The following CLPB variants were observed in gnomAD, a reference collection of about 807,000 sequenced individuals.
CLPB encodes the protein ClpB family mitochondrial disaggregase, also known as mitochondrial disaggregase.
In CLPB, 40 loss-of-function variants were observed where a neutral mutation model predicts 78.4. The observed-to-expected ratio is 0.51, with a 90% CI of 0.40 to 0.66. The LOEUF (loss-of-function observed/expected upper bound fraction) is 0.66, where lower values mean the gene tolerates loss of function less well. Among genes scored for constraint, CLPB ranks in the 30% least tolerant of loss-of-function variants. The pLI is 0.00. For synonymous variants in CLPB, 333 were observed against 348.0 expected (o/e 0.96, Z 0.48); for missense variants, 780 against 886.9 (o/e 0.88, Z 1.53).
chr11:72,386,865 A>T (rs1273970610), intron 3 of CLPB, among the ~76,000 whole-genome samples: 1 of 152,200 alleles, frequency 6.6e-6, no homozygotes, highest in Non-Finnish European at 1.5e-5. Context: ...TCTCATTTGG[A>T]GACTATTTAC....
rs1949381518 is a variant in CLPB at position 72,285,940 on chromosome 11, G to T, written c.*7427C>A. The T allele has an allele frequency of 1.3e-5, 2 of 149,692 alleles. No homozygotes were observed. Among genetic ancestry groups the T allele is most frequent in the South Asian group, 2.1e-4 (1 of 4,792 alleles). 9.3% of individuals were successfully genotyped at this position (149,692 alleles called of 1,614,324 possible). ...TTCAGACACTTATCCATGCTAATAG[G>T]CTTCTACTATAGCCTTTTTTTTTTT... On this transcript the variant is annotated 3_prime_UTR_variant, in exon 16 of 16. Transcript: ENST00000538039.
At chr11:72,369,941 A>G (rs376094874) in intron 4 of CLPB, among the ~76,000 whole-genome samples, 1 of 152,088 alleles carries the variant, frequency 6.6e-6, no homozygotes, top group African/African-American at 2.4e-5. Flanking sequence ...TTTTTCCCCC[A>G]TGGTCCATTG....
chr11:72,333,079 C>T (rs1274228245), intron 5 of CLPB: 1 of 152,218 alleles, frequency 6.6e-6, no homozygotes, highest in Non-Finnish European at 1.5e-5. Flanking sequence ...AAGCTACAGG[C>T]TCAGAAAAGT....
At chr11:72,336,869 C>T (rs754866393) in intron 5 of CLPB, 20 of 385,268 alleles carry the variant, frequency 5.2e-5, no homozygotes, top group Admixed American at 9.0e-5. Context: ...CCTGTGTCCA[C>T]GCTCAGCTCC....
chr11:72,373,227 G>A lies in CLPB; in HGVS notation c.646+7054C>T, dbSNP rs138742799. ...CTGATTTATAGCCTGCTCTGGCTGC[G>A]TCTCTGCCGTGTTTTATTGTTTTAA... On this transcript the variant is annotated intron_variant, in intron 4 of 15. Coordinates refer to ENST00000538039, the MANE Select transcript of CLPB (RefSeq NM_001258392.3). 2.2e-3 allele frequency among the ~76,000 whole-genome samples: 339 copies of A among 152,306 alleles called. 1 individual carries two copies. The highest frequency in any genetic ancestry group is 7.7e-3 in the African/African-American group (322 of 41,562).
chr11:72,408,695 A>C (rs905317279), intron 2 of CLPB, among the ~76,000 whole-genome samples: 4 of 151,666 alleles, frequency 2.6e-5, no homozygotes, highest in Middle Eastern at 3.4e-3. Context: ...AAAGAAAAGA[A>C]AAGACCACAA....
intron 11 of CLPB, among the ~76,000 whole-genome samples, chr11:72,296,155 G>A (rs1949548101): frequency 2.0e-5 from 3 of 152,192 alleles, no homozygotes; most frequent in Admixed American, 6.5e-5. Flanking sequence ...TCAGAGGAGG[G>A]TACTTTACAT....
intron 3 of CLPB, among the ~76,000 whole-genome samples, chr11:72,381,167 C>G (rs1012766029): frequency 6.6e-6 from 1 of 152,160 alleles, no homozygotes; most frequent in South Asian, 2.1e-4. Context: ...AGACAGTCTC[C>G]CCTTACCCAT....
chr11:72,434,258 GC>G lies in CLPB; in HGVS notation c.216del (p.Arg73AlafsTer145). The stretch of plus-strand genomic sequence containing the variant: ...TTGGTATCGAAGCGTCCTCCCTGGC[GC>G]CCCCCGGTGGCTGCCCCACGTCCGG... Reference protein sequence around the residue: ...LFSGRGAATGGRQGGRFDTKC... With the variant: ...LFSGRGAATGXRQGGRFDTKC... On this transcript the variant is annotated frameshift_variant, in exon 1 of 16. Coordinates refer to ENST00000538039, the MANE Select transcript of CLPB (RefSeq NM_001258392.3). LOFTEE classifies it high-confidence loss of function. 1.2e-6 allele frequency: 2 copies of G among 1,613,174 alleles called. No homozygotes were observed.
At chr11:72,331,395 C>A (rs1280007651) in intron 5 of CLPB, among the ~76,000 whole-genome samples, 1 of 149,238 alleles carries the variant, frequency 6.7e-6, no homozygotes, top group African/African-American at 2.5e-5. Flanking sequence ...CAGAGCGAGA[C>A]TCTGTCTCAA....
chr11:72,368,863 C>T (rs1950991242), intron 4 of CLPB, among the ~76,000 whole-genome samples: 1 of 152,222 alleles, frequency 6.6e-6, no homozygotes, highest in African/African-American at 2.4e-5. Context: ...TCACAGACAT[C>T]ATGCTTTCTG....
At chr11:72,366,718 A>G (rs924118026) in intron 4 of CLPB, among the ~76,000 whole-genome samples, 2 of 152,192 alleles carry the variant, frequency 1.3e-5, no homozygotes, top group African/African-American at 2.4e-5. Flanking sequence ...ATCTCGCACC[A>G]GTCAGAATGG....
At chr11:72,419,454 C>T (rs570049223) in intron 2 of CLPB, among the ~76,000 whole-genome samples, 3 of 152,334 alleles carry the variant, frequency 2.0e-5, no homozygotes, top group Admixed American at 2.0e-4. Context: ...CCTCAGCCAT[C>T]AGAATGGCTA....
chr11:72,373,239 T>C lies in CLPB; in HGVS notation c.646+7042A>G, dbSNP rs748666802. 2.6e-4 allele frequency among the ~76,000 whole-genome samples: 39 copies of C among 152,210 alleles called. 1 individual carries two copies. Among genetic ancestry groups the C allele is most frequent in the Non-Finnish European group, 8.8e-5 (6 of 68,038 alleles). On this transcript the variant is annotated intron_variant, in intron 4 of 15. Transcript: ENST00000538039. ...CTGCTCTGGCTGCGTCTCTGCCGTG[T>C]TTTATTGTTTTAATTGTACATATGA...
At chr11:72,415,383 C>T (rs1489726446) in intron 2 of CLPB, among the ~76,000 whole-genome samples, 8 of 152,082 alleles carry the variant, frequency 5.3e-5, no homozygotes, top group Admixed American at 5.2e-4. Flanking sequence ...GACCAATCAG[C>T]TGACAGAAAA....
chr11:72,286,675 T>C lies in CLPB; in HGVS notation c.*6692A>G, dbSNP rs1393070156. On this transcript the variant is annotated 3_prime_UTR_variant, in exon 16 of 16. Transcript: ENST00000538039. Reference sequence around the variant, plus strand: ...ACTTTAATAAAGAGGGGTTTCACCATGTTGTCCAGGCTGGTCTCGAACTCC... The same window carrying C: ...ACTTTAATAAAGAGGGGTTTCACCACGTTGTCCAGGCTGGTCTCGAACTCC... 3 of 152,210 alleles carry C rather than the reference T, an allele frequency of 2.0e-5. No individual in the cohort carries two copies. The highest frequency in any genetic ancestry group is 4.1e-4 in the South Asian group (2 of 4,832). The allele number at this position is 152,210 out of a possible 1,614,324, so 9.4% of individuals were successfully genotyped here.
rs1416594495 is a variant in CLPB, at chr11:72,357,204, T to G, written c.775+1676A>C. On this transcript the variant is annotated intron_variant, in intron 5 of 15. Coordinates refer to ENST00000538039, the MANE Select transcript of CLPB (RefSeq NM_001258392.3). ...GCCAGGCCTGGGTTTTAAGCTAGCATGGCTGTGGCTGACAGAAAGTGGCAA... is the reference window on the plus strand; with the variant it reads ...GCCAGGCCTGGGTTTTAAGCTAGCAGGGCTGTGGCTGACAGAAAGTGGCAA... 4 of 151,316 alleles carry G rather than the reference T, an allele frequency of 2.6e-5. No homozygotes were observed. In the East Asian group the frequency reaches 7.7e-4, roughly 29 times the overall value. 9.4% of individuals were successfully genotyped at this position (151,316 alleles called of 1,614,324 possible). A position where few individuals can be genotyped will look rare whatever the true frequency, so the allele number is the denominator to read the frequency against.
chr11:72,405,907 G>A (rs2135093190), intron 2 of CLPB, among the ~76,000 whole-genome samples: 1 of 150,968 alleles, frequency 6.6e-6, no homozygotes, highest in South Asian at 2.1e-4. Flanking sequence ...CAGCCCGGGC[G>A]ACAGAGTGAG....
intron 5 of CLPB, among the ~76,000 whole-genome samples, chr11:72,346,839 G>A (rs1296776819): frequency 6.6e-6 from 1 of 151,764 alleles, no homozygotes; most frequent in Non-Finnish European, 1.5e-5. Context: ...AATTTAGCCG[G>A]GCTTGGTGGT....
Sources: gnomAD v4.1 joint callset for allele counts (sites outside exome capture counted in the v4.1 genomes callset) on GRCh38, gnomAD v4.1.1 for gene constraint, MANE v1.5 for transcripts, NCBI Gene and HGNC (gene_info 2026-07-23, HGNC 2026-07-21) for gene names.